Variants in COL4A4 observed in about 807,000 individuals in gnomAD.
COL4A4 encodes collagen alpha-4(IV) chain.
Under a neutral mutation model 192.9 loss-of-function variants are expected in COL4A4, and 105 were observed. That is an observed-to-expected ratio of 0.54 (90% CI 0.46 to 0.64). The LOEUF (loss-of-function observed/expected upper bound fraction) is 0.64, where lower values mean the gene tolerates loss of function less well. Ranked by LOEUF, COL4A4 falls within the 30% of genes least tolerant of loss-of-function variation. The pLI is 0.00. For synonymous variants in COL4A4, 762 were observed against 769.9 expected, an observed-to-expected ratio of 0.99 and a Z score of 0.17; for missense variants, 1,967 against 2,169.3, an observed-to-expected ratio of 0.91 and a Z score of 1.85.
At chr2:226,974,225 T>TTTTTATTTTA in the COL4A4 span, among the ~76,000 whole-genome samples, 65,563 of 148,118 alleles carry the variant, frequency 0.44, 14,899 homozygotes, top group South Asian at 0.51. Flanking sequence ...TGTTGCCCTT[T>TTTTTATTTTA]TTTTATTTTA....
Position 227,033,602 on chromosome 2 carries a change from C to T in COL4A4, c.3506-121G>A, listed in dbSNP as rs77583082. On this transcript the variant is annotated intron_variant, in intron 37 of 47. Transcript: ENST00000396625. ...GCTGGGGCCAGCAAACAGCTCTGAG[C>T]GTCTGGACTTCATCATCAGGGTGGA... The T allele has an allele frequency of 7.7e-3, 5,988 of 780,376 alleles. 262 individuals are homozygous for T. The African/African-American group carries it at 0.089, about 12-fold the overall frequency. 48.3% of individuals were successfully genotyped at this position (780,376 alleles called of 1,614,324 possible). A position where few individuals can be genotyped will look rare whatever the true frequency, so the allele number is the denominator to read the frequency against.
intron 20 of COL4A4, among the ~76,000 whole-genome samples, chr2:227,093,483 C>T (rs1003322649): frequency 6.6e-6 from 1 of 152,004 alleles, no homozygotes; most frequent in Non-Finnish European, 1.5e-5. Context: ...CAGACTTTGG[C>T]GTTTCTGATG....
chr2:227,100,796 T>C (rs895956771), intron 17 of COL4A4, among the ~76,000 whole-genome samples: 4 of 149,632 alleles, frequency 2.7e-5, no homozygotes, highest in South Asian at 2.1e-4. Context: ...GGTGGGTCTT[T>C]CCTGCGCTAT....
chr2:227,014,896 T>C (rs1005719609), intron 44 of COL4A4, among the ~76,000 whole-genome samples: 1 of 147,030 alleles, frequency 6.8e-6, no homozygotes, highest in Non-Finnish European at 1.5e-5. Flanking sequence ...GCCTGGCTTT[T>C]TTTTTTTTTT....
intron 12 of COL4A4, 42 bp from the exon 13 acceptor site, chr2:227,104,094 T>C: frequency 6.4e-7 from 1 of 1,562,636 alleles, no homozygotes; most frequent in Non-Finnish European, 8.8e-7. Context: ...CATATTAATT[T>C]ATGTTTTGAA....
chr2:227,041,085 T>C (rs1361606185), intron 37 of COL4A4, among the ~76,000 whole-genome samples: 5 of 152,150 alleles, frequency 3.3e-5, no homozygotes, highest in Non-Finnish European at 7.3e-5. Flanking sequence ...TGATGAACAC[T>C]AATTATTCTA....
intron 20 of COL4A4, among the ~76,000 whole-genome samples, chr2:227,092,530 A>C (rs997005589): frequency 6.6e-6 from 1 of 152,232 alleles, no homozygotes; most frequent in Non-Finnish European, 1.5e-5. Flanking sequence ...ATTTATTCAA[A>C]GAGCTAATAC....
chr2:226,990,709 C>T, the COL4A4 span, among the ~76,000 whole-genome samples: 1 of 152,070 alleles, frequency 6.6e-6, no homozygotes, highest in Admixed American at 6.6e-5. Context: ...TCATCAAGAA[C>T]CACAAATCAA....
At chr2:227,143,013 C>T (rs1270973781) in intron 3 of COL4A4, among the ~76,000 whole-genome samples, 2 of 145,706 alleles carry the variant, frequency 1.4e-5, no homozygotes, top group Non-Finnish European at 2.9e-5. Context: ...CACACACACA[C>T]ACACACGCAC....
At chr2:227,022,276 T>C in intron 43 of COL4A4, 103 bp from the exon 44 acceptor site, 1 of 1,312,530 alleles carries the variant, frequency 7.6e-7, no homozygotes. Flanking sequence ...ATACTGAAAT[T>C]TAGTACAAAT....
chr2:227,085,952 T>C (rs2059580318), intron 22 of COL4A4, among the ~76,000 whole-genome samples: 1 of 152,204 alleles, frequency 6.6e-6, no homozygotes, highest in South Asian at 2.1e-4. Context: ...GCAAAACACA[T>C]GACTCAATTG....
At chr2:226,970,725 T>C in the COL4A4 span, among the ~76,000 whole-genome samples, 1 of 152,226 alleles carries the variant, frequency 6.6e-6, no homozygotes. Context: ...TATTTGATTC[T>C]CAAAACTGCC....
chr2:227,084,645 C>T (rs1383701432), intron 22 of COL4A4, among the ~76,000 whole-genome samples: 1 of 152,094 alleles, frequency 6.6e-6, no homozygotes, highest in African/African-American at 2.4e-5. Flanking sequence ...TCTTTGAAAA[C>T]TACAAAGAAC....
chr2:227,137,843 G>A (rs1289827594), intron 4 of COL4A4, among the ~76,000 whole-genome samples: 2 of 151,948 alleles, frequency 1.3e-5, no homozygotes, highest in East Asian at 3.9e-4. Flanking sequence ...GAGGCACTGA[G>A]GTTTTTTTTC....
chr2:227,046,889 G>A (rs1972990713), intron 35 of COL4A4, among the ~76,000 whole-genome samples: 1 of 151,974 alleles, frequency 6.6e-6, no homozygotes, highest in African/African-American at 2.4e-5. Flanking sequence ...AGGATTCCAT[G>A]TTAAATTATT....
At chr2:227,164,470 G>A (rs2065120936), upstream of COL4A4, 1 of 569,458 alleles carries the variant, frequency 1.8e-6, no homozygotes, top group Non-Finnish European at 3.1e-6. This position sits in a 1 kb window ranked among gnomAD's most constrained non-coding sequence, Gnocchi z 4.8. Flanking sequence ...CGGGTAGAAG[G>A]GACACTGCCT....
At chr2:226,999,125 G>GT (rs1223593626), downstream of COL4A4, 1 of 152,178 alleles carries the variant, frequency 6.6e-6, no homozygotes, top group Non-Finnish European at 1.5e-5. Flanking sequence ...GGGACCATCT[G>GT]TTTCTCTGTC....
At chr2:227,086,708 T>C (rs1301939654) in intron 22 of COL4A4, among the ~76,000 whole-genome samples, 5 of 152,196 alleles carry the variant, frequency 3.3e-5, no homozygotes, top group Non-Finnish European at 5.9e-5. Context: ...CACTCAAAGA[T>C]GTTAGCCCTA....
intron 35 of COL4A4, among the ~76,000 whole-genome samples, chr2:227,044,279 A>G (rs1054077252): frequency 9.9e-5 from 15 of 152,248 alleles, no homozygotes; most frequent in Non-Finnish European, 2.2e-4. Flanking sequence ...TTGAAATTAC[A>G]TTTCTTTGAT....
Sources: allele counts gnomAD v4.1 joint callset (sites outside exome capture counted in the v4.1 genomes callset), GRCh38; gene constraint gnomAD v4.1.1; non-coding constraint Gnocchi (gnomAD v3.1); transcripts MANE v1.5; gene names NCBI Gene and HGNC (gene_info 2026-07-23, HGNC 2026-07-21).